Variants in ZFHX2 observed in about 807,000 individuals in gnomAD.
ZFHX2 encodes zinc finger homeobox protein 2.
Under a neutral mutation model 164.8 loss-of-function variants are expected in ZFHX2, and 75 were observed. The observed-to-expected ratio is 0.46, with a 90% CI of 0.38 to 0.55. ZFHX2 has a LOEUF of 0.55. Ranked by LOEUF, ZFHX2 falls within the 20% of genes least tolerant of loss-of-function variation. The pLI, the probability that ZFHX2 is intolerant of heterozygous loss-of-function variation, is 0.00. For synonymous variants in ZFHX2, 1,217 were observed against 1,351.4 expected (o/e 0.90, Z 2.18); for missense variants, 2,933 against 3,308.0 (o/e 0.89, Z 2.78).
rs772432211 is a variant in ZFHX2 at position 23,524,914 on chromosome 14, G to A, written c.5028C>T (p.His1676=). Residue 1676 remains histidine (H), a synonymous_variant, in exon 9 of 10, where the codon CAC becomes CAT. Transcript: ENST00000419474. The surrounding 1 kb of genome is among the most constrained non-coding windows in gnomAD (Gnocchi z 5.6). Reference sequence around the variant, plus strand: ...ACTCAAAAACACAGGAGAAAGTGGCGTGGCAACGCCTGCAGCCGGAGGCTC... The same window carrying A: ...ACTCAAAAACACAGGAGAAAGTGGCATGGCAACGCCTGCAGCCGGAGGCTC... The part of the protein sequence containing the change: ...TGGASGCRRC[H]ATFSCVFELV... The A allele has an allele frequency of 8.7e-5, 134 of 1,536,140 alleles. No homozygotes were observed. The highest frequency in any genetic ancestry group is 2.7e-4 in the East Asian group (11 of 40,918).
In ZFHX2 at chr14:23,522,178, C is replaced by G; in HGVS notation, c.7503G>C (p.Glu2501Asp). The change falls in exon 10 of 10, where the codon GAG becomes GAC. Residue 2501 changes from glutamate to aspartate, a missense_variant. Physicochemically the swap from Glu to Asp is conservative, Grantham distance 45. Transcript: ENST00000419474. Reference protein sequence around the residue: ...PICTYHCLACEVLLSGREALA... With the variant: ...PICTYHCLACDVLLSGREALA... Reference sequence around the variant, plus strand: ...GGGCTTCACGCCCACTCAGCAGCACCTCACATGCCAGGCAGTGGTAGGTGC... The same window carrying G: ...GGGCTTCACGCCCACTCAGCAGCACGTCACATGCCAGGCAGTGGTAGGTGC... 1 of 1,494,764 alleles carries G rather than the reference C, an allele frequency of 6.7e-7. No homozygotes were observed. The highest frequency in any genetic ancestry group is 8.9e-7 in the Non-Finnish European group (1 of 1,126,302). The allele number at this position is 1,494,764 out of a possible 1,614,324, so 92.6% of individuals were successfully genotyped here. A position where few individuals can be genotyped will look rare whatever the true frequency, so the allele number is the denominator to read the frequency against.
At chr14:23,545,614 C>A (rs193302492) in intron 1 of ZFHX2, among the ~76,000 whole-genome samples, 1 of 152,320 alleles carries the variant, frequency 6.6e-6, no homozygotes, top group Non-Finnish European at 1.5e-5. Context: ...GCACTTCTTT[C>A]CCTAAAGCAG....
chr14:23,523,671 T>A lies in ZFHX2; in HGVS notation c.6271A>T (p.Thr2091Ser). ...KACYEAYRTPTMQECEVLGEE... is the reference protein window; with the variant it reads ...KACYEAYRTPSMQECEVLGEE... ...CCCAGCACCTCACACTCCTGCATGGTGGGGGTGCGGTAAGCTTCATAGCAG... is the reference window on the plus strand; with the variant it reads ...CCCAGCACCTCACACTCCTGCATGGAGGGGGTGCGGTAAGCTTCATAGCAG... The change falls in exon 9 of 10, where the codon ACC becomes TCC. Residue 2091 changes from threonine to serine, a missense_variant. By Grantham distance (58) the Thr-to-Ser change is moderately conservative. Coordinates refer to ENST00000419474, the MANE Select transcript of ZFHX2 (RefSeq NM_033400.3). The surrounding 1 kb of genome is among the most constrained non-coding windows in gnomAD (Gnocchi z 4.1). 6.5e-7 allele frequency: 1 copy of A among 1,540,798 alleles called. No homozygotes were observed. Among genetic ancestry groups the A allele is most frequent in the Non-Finnish European group, 8.7e-7 (1 of 1,149,044 alleles).
chr14:23,526,180 T>C lies in ZFHX2; in HGVS notation c.3762A>G (p.Arg1254=), dbSNP rs778276196. The C allele has an allele frequency of 1.0e-5, 16 of 1,536,352 alleles. No individual in the cohort carries two copies. Among genetic ancestry groups the C allele is most frequent in the Non-Finnish European group, 1.4e-5 (16 of 1,146,928 alleles). Residue 1254 remains arginine, a synonymous_variant, in exon 9 of 10, where the codon AGA becomes AGG. Coordinates refer to ENST00000419474, the MANE Select transcript of ZFHX2 (RefSeq NM_033400.3). ...TDKPFKCTVC[R]VSYNQSSTLE... ...GGGTGGAGCTCTGGTTGTAGGAGAC[T>C]CTGCAGACTGTGCACTTAAAGGGCT...
At chr14:23,540,765 A>G (rs1056049842) in intron 1 of ZFHX2, among the ~76,000 whole-genome samples, 2 of 152,228 alleles carry the variant, frequency 1.3e-5, no homozygotes, top group African/African-American at 4.8e-5. Flanking sequence ...AAGACCAGAT[A>G]GGTAACGTGT....
In ZFHX2 at chr14:23,530,151, C is replaced by T; in HGVS notation, c.2844G>A (p.Glu948=). ...VTPLAEPPTP[E]KDAQNKTEQL... ...GTTCTGTCTTGTTCTGGGCATCTTT[C>T]TCAGGGGTGGGTGGCTCAGCTAAGG... Residue 948 remains glutamate (E), a synonymous_variant, in exon 5 of 10, where the codon GAG becomes GAA. Transcript: ENST00000419474. The T allele has an allele frequency of 6.5e-7, 1 of 1,536,050 alleles. No individual in the cohort carries two copies.
chr14:23,531,371 C>T lies in ZFHX2; in HGVS notation c.2800+110G>A. ...CTTCTTCCCATTTAGTATAGGTGGC[C>T]TACAGGCCCTCTTCGCCTTCCTTGT... On this transcript the variant is annotated intron_variant, in intron 4 of 9. Coordinates refer to ENST00000419474, the MANE Select transcript of ZFHX2 (RefSeq NM_033400.3). 5.3e-6 allele frequency: 7 copies of T among 1,325,208 alleles called. No homozygotes were observed. The South Asian group carries it at 1.3e-4, about 25-fold the overall frequency. The allele number at this position is 1,325,208 out of a possible 1,614,324, so 82.1% of individuals were successfully genotyped here. A position where few individuals can be genotyped will look rare whatever the true frequency, so the allele number is the denominator to read the frequency against.
intron 6 of ZFHX2, among the ~76,000 whole-genome samples, chr14:23,528,389 T>C (rs1879060898): frequency 2.0e-5 from 3 of 152,214 alleles, no homozygotes; most frequent in African/African-American, 7.2e-5. Context: ...TCCTGGCCTC[T>C]CTGCCTTTTC....
Position 23,522,806 on chromosome 14 carries a change from C to A in ZFHX2, c.6875G>T (p.Gly2292Val). 6.5e-7 allele frequency: 1 copy of A among 1,536,048 alleles called. No individual in the cohort carries two copies. Among genetic ancestry groups the A allele is most frequent in the Middle Eastern group, 1.7e-4 (1 of 5,984 alleles). Residue 2292 changes from glycine (G) to valine (V), a missense_variant, in exon 10 of 10, where the codon GGC becomes GTC. By Grantham distance (109) the Gly-to-Val change is moderately radical. Transcript: ENST00000419474. ...AGGGCCTGGGACAGGGTCAGTGGTG[C>A]CTGCTGTGGAGGTGTTGGTTTGGTC... ...MPDQTNTSTA[G>V]TTDPVPGPPT...
At chr14:23,529,430 C>G (rs955563888) in intron 6 of ZFHX2, 23 of 407,682 alleles carry the variant, frequency 5.6e-5, no homozygotes, top group Non-Finnish European at 9.9e-5. Context: ...CATGTACCCC[C>G]ACTCTTTCCT....
At chr14:23,528,808 G>A (rs1302285018) in intron 6 of ZFHX2, 2 of 985,266 alleles carry the variant, frequency 2.0e-6, no homozygotes, top group Admixed American at 6.1e-5. Flanking sequence ...CCAGAGGGGT[G>A]AGGCTGCCAG....
At chr14:23,536,315 A>G (rs922298594) in intron 1 of ZFHX2, among the ~76,000 whole-genome samples, 1 of 152,216 alleles carries the variant, frequency 6.6e-6, no homozygotes, top group African/African-American at 2.4e-5. Flanking sequence ...ATTCTAGGAA[A>G]GACCCTCAGA....
At position 23,525,432 on chromosome 14, in the gene ZFHX2, G is replaced by A. The variant is rs866403776; in HGVS notation, c.4510C>T (p.Arg1504Cys). 20 of 1,536,022 alleles carry A rather than the reference G, an allele frequency of 1.3e-5. No homozygotes were observed. Among genetic ancestry groups the A allele is most frequent in the African/African-American group, 9.6e-5 (7 of 73,048 alleles). The change falls in exon 9 of 10, where the codon CGC becomes TGC. Residue 1504 changes from arginine (R) to cysteine (C), a missense_variant. Arg to Cys is a radical substitution (Grantham distance 180, BLOSUM62 -3). Coordinates refer to ENST00000419474, the MANE Select transcript of ZFHX2 (RefSeq NM_033400.3). The surrounding 1 kb of genome is among the most constrained non-coding windows in gnomAD (Gnocchi z 5.9). ...ILKTHEEHVH[R>C]RFLPFEALSR... ...AGGGCTTCAAAGGGCAGAAAGCGGCGGTGGACATGTTCCTCGTGTGTCTTG... is the reference window on the plus strand; with the variant it reads ...AGGGCTTCAAAGGGCAGAAAGCGGCAGTGGACATGTTCCTCGTGTGTCTTG...
chr14:23,525,596 A>C lies in ZFHX2; in HGVS notation c.4346T>G (p.Phe1449Cys), dbSNP rs1457017971. ...TTCATTGTACTGGATCACCAGCTCA[A>C]AGCCAAAGTTTTCTAGAAGGGCTTT... Reference protein sequence around the residue: ...AAKALLENFGFELVIQYNEGK... With the variant: ...AAKALLENFGCELVIQYNEGK... Residue 1449 changes from phenylalanine (F) to cysteine (C), a missense_variant, in exon 9 of 10, where the codon TTT becomes TGT. Transcript: ENST00000419474. This position sits in a 1 kb window ranked among gnomAD's most constrained non-coding sequence, Gnocchi z 5.9. 8 of 1,535,496 alleles carry C rather than the reference A, an allele frequency of 5.2e-6. No individual in the cohort carries two copies. The highest frequency in any genetic ancestry group is 7.0e-6 in the Non-Finnish European group (8 of 1,146,844).
chr14:23,540,237 C>T (rs910863247), intron 1 of ZFHX2, among the ~76,000 whole-genome samples: 3 of 152,208 alleles, frequency 2.0e-5, no homozygotes, highest in Non-Finnish European at 2.9e-5. Flanking sequence ...GCAATCTGCC[C>T]GCTTTGGCCT....
upstream of ZFHX2, among the ~76,000 whole-genome samples, chr14:23,553,322 G>A (rs975413385): frequency 3.3e-5 from 5 of 152,218 alleles, no homozygotes; most frequent in Non-Finnish European, 7.3e-5. Context: ...GAGGCTGGCC[G>A]GGCATGGTGG....
intron 1 of ZFHX2, among the ~76,000 whole-genome samples, chr14:23,537,397 T>C (rs1880297011): frequency 6.6e-6 from 1 of 152,078 alleles, no homozygotes; most frequent in Non-Finnish European, 1.5e-5. Context: ...CCAGAGTGCT[T>C]CGTGTAAGGG....
At position 23,532,435 on chromosome 14, in the gene ZFHX2, T is replaced by C; in HGVS notation, c.2559+132A>G. ...CTTTGTTACCCTGGTACATATGTCA[T>C]TACCTGGTGCATACTTTCCTTTTTC... On this transcript the variant is annotated intron_variant, in intron 3 of 9. Transcript: ENST00000419474. 3 of 1,134,730 alleles carry C rather than the reference T, an allele frequency of 2.6e-6. No individual in the cohort carries two copies. In the South Asian group the frequency reaches 6.1e-5, roughly 23 times the overall value. The allele number at this position is 1,134,730 out of a possible 1,614,324, so 70.3% of individuals were successfully genotyped here.
Position 23,546,392 on chromosome 14 carries a change from AG to A in ZFHX2, c.-50+4950del, listed in dbSNP as rs1259083272. Among the ~76,000 whole-genome samples the A allele has an allele frequency of 6.6e-6, 1 of 152,202 alleles. No individual in the cohort carries two copies. The highest frequency in any genetic ancestry group is 1.5e-5 in the Non-Finnish European group (1 of 68,042). ...GGTGCTGAGCATCTCAGTAGAAATT[AG>A]AAAAATATATCTTCCTCCAGGTGTA... On this transcript the variant is annotated intron_variant, in intron 1 of 9. Transcript: ENST00000419474. This position sits in a 1 kb window ranked among gnomAD's most constrained non-coding sequence, Gnocchi z 4.7.
Sources: gnomAD v4.1 joint callset for allele counts (sites outside exome capture counted in the v4.1 genomes callset) on GRCh38, gnomAD v4.1.1 for gene constraint, Gnocchi (gnomAD v3.1) non-coding constraint, MANE v1.5 for transcripts, NCBI Gene and HGNC (gene_info 2026-07-23, HGNC 2026-07-21) for gene names.